The following RSL24D1 variants were observed in gnomAD, a reference collection of about 807,000 sequenced individuals.
RSL24D1 encodes the protein probable ribosome biogenesis protein RLP24.
Under a neutral mutation model 26.2 loss-of-function variants are expected in RSL24D1, and 6 were observed. The ratio of observed to expected loss-of-function variants is 0.23; its 90% CI spans 0.13 to 0.45. The LOEUF (loss-of-function observed/expected upper bound fraction) is 0.45. RSL24D1 is among the 20% of genes least tolerant of loss of function. The pLI is 0.99. For synonymous variants in RSL24D1, 61 were observed against 59.1 expected (o/e 1.03, Z -0.15); for missense variants, 176 against 202.6 (o/e 0.87, Z 0.80).
chr15:55,195,758 T>C (rs1894348553), intron 1 of RSL24D1, among the ~76,000 whole-genome samples: 2 of 152,254 alleles, frequency 1.3e-5, no homozygotes, highest in Admixed American at 1.3e-4. Context: ...TTATCAAACA[T>C]GGCTTTGGTC....
chr15:55,191,716 T>C (rs1894300273), intron 2 of RSL24D1, among the ~76,000 whole-genome samples: 1 of 152,140 alleles, frequency 6.6e-6, no homozygotes, highest in South Asian at 2.1e-4. Context: ...AAGCTACAGG[T>C]ATTTCTTGGT....
At chr15:55,192,648 G>A (rs1894310548) in intron 2 of RSL24D1, 72 bp downstream of exon 2, 1 of 1,028,194 alleles carries the variant, frequency 9.7e-7, no homozygotes, top group Non-Finnish European at 1.5e-6. Context: ...TGATTGATTA[G>A]ATGACATATA....
In RSL24D1 at chr15:55,190,744, T is replaced by C. The variant is rs560603478; in HGVS notation, c.268+231A>G. Among the ~76,000 whole-genome samples, 10 of 152,232 alleles carry C rather than the reference T, an allele frequency of 6.6e-5. No homozygotes were observed. The South Asian group carries it at 1.7e-3, about 25-fold the overall frequency. ...ATCTCTGTGTGGGCACTTCAAGTAG[T>C]ATCAAAGTTAATAATTACATTATTT... On this transcript the variant is annotated intron_variant, in intron 3 of 5. Coordinates refer to ENST00000260443, the MANE Select transcript of RSL24D1 (RefSeq NM_016304.3).
rs145555296 is a variant in RSL24D1 at position 55,191,022 on chromosome 15, C to T, written c.221G>A (p.Arg74His). ...TVDNSFEFEK[R>H]RNEPIKYQRE... ...CTGGTATTTGATAGGTTCATTTCTA[C>T]GTTTTTCAAATTCAAATGAATTATC... is the stretch of plus-strand genomic sequence containing the variant. Residue 74 changes from arginine (R) to histidine (H), a missense_variant, in exon 3 of 6, where the codon CGT becomes CAT. Arg to His is a conservative substitution (Grantham distance 29). Around this residue, in one of 3 missense-constraint regions of RSL24D1, gnomAD observed 89 missense variants for 135.1 expected, o/e 0.66. Coordinates refer to ENST00000260443, the MANE Select transcript of RSL24D1 (RefSeq NM_016304.3). 2.0e-5 allele frequency: 32 copies of T among 1,603,118 alleles called. No individual in the cohort carries two copies. The highest frequency in any genetic ancestry group is 1.9e-4 in the African/African-American group (14 of 74,224).
At chr15:55,186,971 G>C (rs1272074807) in intron 3 of RSL24D1, among the ~76,000 whole-genome samples, 1 of 152,108 alleles carries the variant, frequency 6.6e-6, no homozygotes, top group Non-Finnish European at 1.5e-5. Flanking sequence ...CTGGATGAAG[G>C]ATATCAGAGA....
At chr15:55,193,572 T>G (rs1894322937) in intron 1 of RSL24D1, among the ~76,000 whole-genome samples, 1 of 152,162 alleles carries the variant, frequency 6.6e-6, no homozygotes, top group South Asian at 2.1e-4. Context: ...GAAAATTAAG[T>G]TGAATTATCA....
At chr15:55,190,506 G>T (rs1894284572) in intron 3 of RSL24D1, among the ~76,000 whole-genome samples, 1 of 152,026 alleles carries the variant, frequency 6.6e-6, no homozygotes, top group Non-Finnish European at 1.5e-5. Context: ...AATTCTCTCA[G>T]AACATTTGTA....
At chr15:55,190,719 A>C (rs934599675) in intron 3 of RSL24D1, among the ~76,000 whole-genome samples, 7 of 152,248 alleles carry the variant, frequency 4.6e-5, no homozygotes, top group African/African-American at 1.7e-4. Context: ...ATGTTTTTAC[A>C]TCTCTGTGTG....
rs970533125 is a variant in RSL24D1, at chr15:55,181,126, C to T, written c.*1026G>A. On this transcript the variant is annotated 3_prime_UTR_variant, in exon 6 of 6. Coordinates refer to ENST00000260443, the MANE Select transcript of RSL24D1 (RefSeq NM_016304.3). Reference sequence around the variant, plus strand: ...AAACCATTATGCAAACTGATCGTTACTTAATGTATTTAACATACTTAAAAC... The same window carrying T: ...AAACCATTATGCAAACTGATCGTTATTTAATGTATTTAACATACTTAAAAC... 1.6e-4 allele frequency: 24 copies of T among 151,496 alleles called. No individual in the cohort carries two copies. Among genetic ancestry groups the T allele is most frequent in the African/African-American group, 5.6e-4 (23 of 40,822 alleles). 9.4% of individuals were successfully genotyped at this position (151,496 alleles called of 1,614,324 possible). A position where few individuals can be genotyped will look rare whatever the true frequency, so the allele number is the denominator to read the frequency against.
chr15:55,191,573 G>A (rs1238613380), intron 2 of RSL24D1, among the ~76,000 whole-genome samples: 1 of 152,100 alleles, frequency 6.6e-6, no homozygotes, highest in Non-Finnish European at 1.5e-5. Flanking sequence ...TAAATGAGGT[G>A]CTACTCTGCA....
intron 4 of RSL24D1, among the ~76,000 whole-genome samples, chr15:55,184,880 T>C (rs1322700423): frequency 6.6e-6 from 1 of 152,114 alleles, no homozygotes; most frequent in African/African-American, 2.4e-5. Context: ...GAACGTTCTA[T>C]ACAATAACTT....
At chr15:55,193,565 A>C (rs16976149) in intron 1 of RSL24D1, among the ~76,000 whole-genome samples, 17,952 of 152,276 alleles carry the variant, frequency 0.12, 1,092 homozygotes, top group South Asian at 0.16. Flanking sequence ...TGGTAAAGAA[A>C]ATTAAGTTGA....
chr15:55,183,609 C>G (rs758140072), intron 4 of RSL24D1, among the ~76,000 whole-genome samples: 5 of 152,128 alleles, frequency 3.3e-5, no homozygotes, highest in Non-Finnish European at 7.4e-5. Flanking sequence ...GTGAACAGAG[C>G]CTCTCAGTCC....
At chr15:55,183,602 A>C (rs1245315670) in intron 4 of RSL24D1, among the ~76,000 whole-genome samples, 1 of 152,156 alleles carries the variant, frequency 6.6e-6, no homozygotes, top group Non-Finnish European at 1.5e-5. Flanking sequence ...ACACCAAGTG[A>C]ACAGAGCCTC....
At chr15:55,194,719 T>G (rs1217414407) in intron 1 of RSL24D1, among the ~76,000 whole-genome samples, 1 of 152,018 alleles carries the variant, frequency 6.6e-6, no homozygotes, top group Non-Finnish European at 1.5e-5. Flanking sequence ...AGGTGAAGTT[T>G]CTATTAATAA....
rs1465105850 is a variant in RSL24D1 at position 55,184,495 on chromosome 15, G to T, written c.332+867C>A. On this transcript the variant is annotated intron_variant, in intron 4 of 5. Transcript: ENST00000260443. Reference sequence around the variant, plus strand: ...AGAAAATCAACTAAAAAATGTAGAAGAAATGATGGAATTAGAAAAACCACC... The same window carrying T: ...AGAAAATCAACTAAAAAATGTAGAATAAATGATGGAATTAGAAAAACCACC... Among the ~76,000 whole-genome samples the T allele has an allele frequency of 2.0e-5, 3 of 152,132 alleles. 1 individual carries two copies. The South Asian group carries it at 6.2e-4, about 31-fold the overall frequency.
At chr15:55,183,076 A>T (rs1461170828) in intron 5 of RSL24D1, among the ~76,000 whole-genome samples, 1 of 152,218 alleles carries the variant, frequency 6.6e-6, no homozygotes, top group Admixed American at 6.5e-5. Flanking sequence ...TTATTACGCA[A>T]ATCATTTTGC....
intron 2 of RSL24D1, among the ~76,000 whole-genome samples, chr15:55,191,812 GA>G (rs1894301302): frequency 1.3e-5 from 2 of 152,216 alleles, no homozygotes; most frequent in Admixed American, 1.3e-4. Context: ...GCTTTATTCA[GA>G]TCATAATAAC....
At chr15:55,195,872 C>T (rs1894349806) in intron 1 of RSL24D1, among the ~76,000 whole-genome samples, 1 of 152,162 alleles carries the variant, frequency 6.6e-6, no homozygotes, top group Admixed American at 6.5e-5. Context: ...TTATTTAGCA[C>T]GTCAAATTCA....
Sources: allele counts gnomAD v4.1 joint callset (sites outside exome capture counted in the v4.1 genomes callset), GRCh38; gene constraint gnomAD v4.1.1; regional missense constraint gnomAD v4.1.1; transcripts MANE v1.5; gene names NCBI Gene and HGNC (gene_info 2026-07-23, HGNC 2026-07-21).